Variants in SORCS1 observed in about 807,000 individuals in gnomAD.
The protein encoded by SORCS1 is VPS10 domain-containing receptor SorCS1.
A neutral mutation model predicts 146.1 loss-of-function variants in SORCS1; 60 were observed. That is an observed-to-expected ratio of 0.41 (90% CI 0.33 to 0.51). The LOEUF (loss-of-function observed/expected upper bound fraction) is 0.51. Among genes scored for constraint, SORCS1 ranks in the 20% least tolerant of loss-of-function variants. SORCS1 has a pLI of 0.21. For missense variants in SORCS1, 1,352 were observed against 1,487.6 expected (o/e 0.91, Z 1.50); for synonymous variants, 637 against 584.0 (o/e 1.09, Z -1.31).
At chr10:106,815,891 G>A (rs1010535275) in intron 3 of SORCS1, among the ~76,000 whole-genome samples, 4 of 152,208 alleles carry the variant, frequency 2.6e-5, no homozygotes, top group African/African-American at 9.7e-5. Flanking sequence ...TACAAGAAGA[G>A]GCCAGTTCTT....
chr10:107,097,648 C>T (rs2134355442), intron 1 of SORCS1, among the ~76,000 whole-genome samples: 1 of 152,320 alleles, frequency 6.6e-6, no homozygotes, highest in South Asian at 2.1e-4. Flanking sequence ...CCTGTGCCTG[C>T]AGCTCTCCTC....
intron 17 of SORCS1, among the ~76,000 whole-genome samples, chr10:106,653,808 T>C (rs1850067660): frequency 6.6e-6 from 1 of 152,218 alleles, no homozygotes; most frequent in South Asian, 2.1e-4. Flanking sequence ...AAAAGTATCC[T>C]AATACTCTGC....
At chr10:106,761,986 C>G (rs1589823331) in intron 4 of SORCS1, among the ~76,000 whole-genome samples, 1 of 152,228 alleles carries the variant, frequency 6.6e-6, no homozygotes, top group Non-Finnish European at 1.5e-5. Context: ...TGCCACTTGA[C>G]CTAGCATGTG....
chr10:106,797,340 T>C (rs1183979517), intron 3 of SORCS1, among the ~76,000 whole-genome samples: 1 of 152,136 alleles, frequency 6.6e-6, no homozygotes, highest in Non-Finnish European at 1.5e-5. Context: ...ATTTTTTTTT[T>C]CAAATATATC....
chr10:106,995,733 G>A (rs1443422481), intron 1 of SORCS1, among the ~76,000 whole-genome samples: 1 of 152,114 alleles, frequency 6.6e-6, no homozygotes, highest in African/African-American at 2.4e-5. Context: ...AATTGCAGCA[G>A]CAGTGGTAGT....
chr10:107,012,535 TC>T (rs1405722626), intron 1 of SORCS1, among the ~76,000 whole-genome samples: 1 of 148,564 alleles, frequency 6.7e-6, no homozygotes, highest in African/African-American at 2.4e-5. Context: ...GAGAAAGATA[TC>T]ATCATCCTCA....
chr10:106,597,490 T>A (rs1386528103), intron 23 of SORCS1, 40 bp from the exon 24 acceptor site: 2 of 1,438,838 alleles, frequency 1.4e-6, no homozygotes, highest in East Asian at 4.6e-5. Flanking sequence ...AAAAGTGTCA[T>A]ACTGATTATA....
At chr10:106,836,474 C>CAAA (rs68181690) in intron 2 of SORCS1, among the ~76,000 whole-genome samples, 13 of 77,704 alleles carry the variant, frequency 1.7e-4, no homozygotes, top group Non-Finnish European at 2.1e-4. Flanking sequence ...GACTCGGTCT[C>CAAA]AAAAAAAAAA....
chr10:106,807,098 TC>T (rs1309723263), intron 3 of SORCS1, among the ~76,000 whole-genome samples: 2 of 152,154 alleles, frequency 1.3e-5, no homozygotes, highest in Non-Finnish European at 2.9e-5. Flanking sequence ...AGATTACTTC[TC>T]TAAATACTTA....
At chr10:106,723,454 T>C (rs1855923473) in intron 6 of SORCS1, among the ~76,000 whole-genome samples, 1 of 152,202 alleles carries the variant, frequency 6.6e-6, no homozygotes, top group East Asian at 1.9e-4. Context: ...GCTTCATGGA[T>C]GAGGACCTGT....
intron 1 of SORCS1, among the ~76,000 whole-genome samples, chr10:106,991,561 A>G (rs1302528035): frequency 6.6e-6 from 1 of 152,238 alleles, no homozygotes; most frequent in Non-Finnish European, 1.5e-5. Flanking sequence ...TTCACTGACA[A>G]AAGTAGTTAT....
intron 1 of SORCS1, among the ~76,000 whole-genome samples, chr10:107,129,075 G>A (rs78928683): frequency 2.0e-5 from 3 of 152,196 alleles, no homozygotes; most frequent in Admixed American, 6.5e-5. Context: ...AAAAGTTTCC[G>A]TTCAGATTCA....
intron 2 of SORCS1, among the ~76,000 whole-genome samples, chr10:106,858,002 A>T (rs1015178184): frequency 1.3e-5 from 2 of 152,192 alleles, no homozygotes; most frequent in Non-Finnish European, 2.9e-5. Context: ...ATTATGGTGC[A>T]TTCTGAGCTG....
At chr10:106,922,891 C>CTT (rs55880802) in intron 2 of SORCS1, among the ~76,000 whole-genome samples, 6 of 112,456 alleles carry the variant, frequency 5.3e-5, no homozygotes, top group African/African-American at 1.9e-4. Flanking sequence ...GCAGCCTTTT[C>CTT]TTTTTTTTTT....
chr10:106,902,992 C>T (rs915936593), intron 2 of SORCS1, among the ~76,000 whole-genome samples: 5 of 152,152 alleles, frequency 3.3e-5, no homozygotes, highest in East Asian at 1.9e-4. Context: ...TTAGGAGAAT[C>T]GCTTGAACTC....
intron 2 of SORCS1, among the ~76,000 whole-genome samples, chr10:106,922,232 C>G (rs568952622): frequency 2.6e-5 from 4 of 152,084 alleles, no homozygotes; most frequent in Non-Finnish European, 4.4e-5. Flanking sequence ...AGGTGACATA[C>G]GCTAAACACA....
At chr10:106,944,113 G>A (rs1403778287) in intron 2 of SORCS1, among the ~76,000 whole-genome samples, 1 of 152,052 alleles carries the variant, frequency 6.6e-6, no homozygotes, top group African/African-American at 2.4e-5. Context: ...TTGTTTCACT[G>A]ACTACTTTGT....
At chr10:107,169,570 C>A (rs924549803), upstream of SORCS1, among the ~76,000 whole-genome samples, 6 of 152,136 alleles carry the variant, frequency 3.9e-5, no homozygotes, top group Non-Finnish European at 8.8e-5. Flanking sequence ...CTTGGACACC[C>A]GTTGGAGATA....
intron 2 of SORCS1, among the ~76,000 whole-genome samples, chr10:106,884,462 A>G (rs1354504871): frequency 6.6e-6 from 1 of 151,996 alleles, no homozygotes; most frequent in East Asian, 1.9e-4. Context: ...TATGGACACC[A>G]TTTAGGGAGA....
Sources: gnomAD v4.1 joint callset for allele counts (sites outside exome capture counted in the v4.1 genomes callset) on GRCh38, gnomAD v4.1.1 for gene constraint, MANE v1.5 for transcripts, NCBI Gene and HGNC (gene_info 2026-07-23, HGNC 2026-07-21) for gene names.